GLI3: variants seen among roughly 807,000 people sequenced by gnomAD.
GLI3 encodes GLI family zinc finger 3.
A neutral mutation model predicts 100.8 loss-of-function variants in GLI3; 20 were observed. The ratio of observed to expected loss-of-function variants is 0.20; its 90% CI spans 0.14 to 0.29. The LOEUF (loss-of-function observed/expected upper bound fraction) is 0.29, where lower values mean the gene tolerates loss of function less well. Among genes scored for constraint, GLI3 ranks in the 10% least tolerant of loss-of-function variants. The probability of loss-of-function intolerance (pLI) is 1.00; values close to 1 mark genes in which losing one functional copy is unlikely to be tolerated. For missense variants in GLI3, 2,040 were observed against 2,128.5 expected, an observed-to-expected ratio of 0.96 and a Z score of 0.82; for synonymous variants, 938 against 860.5, an observed-to-expected ratio of 1.09 and a Z score of -1.58.
At chr7:42,248,033 C>A (rs1338927356) in intron 1 of GLI3, among the ~76,000 whole-genome samples, 2 of 152,124 alleles carry the variant, frequency 1.3e-5, no homozygotes, top group South Asian at 4.1e-4. Flanking sequence ...GTATTTGGAT[C>A]GGTATGTCAA....
chr7:42,193,437 C>T (rs1358923764), intron 2 of GLI3, among the ~76,000 whole-genome samples: 4 of 151,982 alleles, frequency 2.6e-5, no homozygotes, highest in Admixed American at 2.6e-4. Context: ...GAAGGACACA[C>T]CTTTGATCTA....
chr7:42,074,482 G>T (rs1350249282), intron 4 of GLI3, among the ~76,000 whole-genome samples: 1 of 152,208 alleles, frequency 6.6e-6, no homozygotes, highest in Non-Finnish European at 1.5e-5. Flanking sequence ...AAGAGGAAAA[G>T]CATCACAACA....
At chr7:42,168,157 G>C (rs1386180126) in intron 2 of GLI3, among the ~76,000 whole-genome samples, 1 of 152,184 alleles carries the variant, frequency 6.6e-6, no homozygotes, top group South Asian at 2.1e-4. Context: ...CTGGTCTTAA[G>C]CCAACAGTCA....
chr7:42,044,531 T>A (rs1426604273), intron 6 of GLI3, among the ~76,000 whole-genome samples: 1 of 152,200 alleles, frequency 6.6e-6, no homozygotes. Context: ...CATCAAGTAA[T>A]CTCACCTTAT....
chr7:42,005,018 T>C (rs183906204), intron 10 of GLI3, among the ~76,000 whole-genome samples: 37 of 152,216 alleles, frequency 2.4e-4, no homozygotes, highest in Non-Finnish European at 4.7e-4. Context: ...AGAAAAACCG[T>C]AAATTACACA....
chr7:42,259,594 A>G (rs1420856056), intron 1 of GLI3, among the ~76,000 whole-genome samples: 1 of 152,210 alleles, frequency 6.6e-6, no homozygotes, highest in Non-Finnish European at 1.5e-5. Context: ...ATTGCTGAAC[A>G]TGATATTAGC....
At chr7:42,175,967 T>C (rs1053475621) in intron 2 of GLI3, among the ~76,000 whole-genome samples, 39 of 152,210 alleles carry the variant, frequency 2.6e-4, no homozygotes, top group African/African-American at 8.7e-4. Context: ...CTGGGTCTGT[T>C]GGATCCCACA....
chr7:42,214,560 C>T (rs1788336183), intron 2 of GLI3, among the ~76,000 whole-genome samples: 1 of 147,304 alleles, frequency 6.8e-6, no homozygotes, highest in African/African-American at 2.5e-5. Flanking sequence ...GCCTAAATTG[C>T]ACTAGGAATA....
chr7:42,252,465 C>T (rs2128710557), intron 1 of GLI3, among the ~76,000 whole-genome samples: 1 of 152,244 alleles, frequency 6.6e-6, no homozygotes, highest in South Asian at 2.1e-4. Flanking sequence ...CAAACCTGCA[C>T]ATGTACCCCT....
chr7:42,105,496 G>A (rs1480098327), intron 3 of GLI3, among the ~76,000 whole-genome samples: 1 of 152,156 alleles, frequency 6.6e-6, no homozygotes, highest in Non-Finnish European at 1.5e-5. Context: ...GCGAAAGGAA[G>A]TAAGAGGAAA....
At chr7:42,129,579 G>A (rs996888384) in intron 3 of GLI3, among the ~76,000 whole-genome samples, 3 of 152,170 alleles carry the variant, frequency 2.0e-5, no homozygotes, top group African/African-American at 4.8e-5. Flanking sequence ...GGGAGGCCGA[G>A]GCGGGGGGAT....
chr7:42,256,769 T>C (rs868388773), intron 1 of GLI3, among the ~76,000 whole-genome samples: 1 of 152,192 alleles, frequency 6.6e-6, no homozygotes, highest in South Asian at 2.1e-4. Flanking sequence ...CCTAGATCTT[T>C]TGTTTTTCAT....
At chr7:42,053,548 T>C (rs1228229046) in intron 4 of GLI3, among the ~76,000 whole-genome samples, 1 of 152,186 alleles carries the variant, frequency 6.6e-6, no homozygotes, top group Non-Finnish European at 1.5e-5. Flanking sequence ...TCGAGCTTGT[T>C]AAAAATCTTC....
intron 3 of GLI3, among the ~76,000 whole-genome samples, chr7:42,082,509 C>T (rs1350955835): frequency 6.6e-6 from 1 of 152,226 alleles, no homozygotes; most frequent in Admixed American, 6.5e-5. Context: ...CCATGATCTA[C>T]CGTGAGCGGA....
chr7:42,156,629 T>C (rs763463773), intron 2 of GLI3, among the ~76,000 whole-genome samples: 2 of 152,204 alleles, frequency 1.3e-5, no homozygotes, highest in Non-Finnish European at 2.9e-5. Flanking sequence ...GGCCAGAGTG[T>C]CCAGGTTGCT....
chr7:41,994,047 G>A (rs777249964), intron 10 of GLI3, among the ~76,000 whole-genome samples: 12 of 152,130 alleles, frequency 7.9e-5, no homozygotes, highest in South Asian at 2.1e-4. Context: ...GTGGGGTAAG[G>A]GTTCTGGCAT....
At chr7:41,975,178 A>C (rs1055311903) in intron 12 of GLI3, among the ~76,000 whole-genome samples, 1 of 152,252 alleles carries the variant, frequency 6.6e-6, no homozygotes, top group Middle Eastern at 3.2e-3. Flanking sequence ...GCCCTAAATG[A>C]GCAGGACAGC....
intron 2 of GLI3, among the ~76,000 whole-genome samples, chr7:42,222,295 C>T (rs544573590): frequency 2.0e-5 from 3 of 152,156 alleles, no homozygotes. Context: ...TGTCCAGGAA[C>T]GAGGAAAACG....
intron 2 of GLI3, among the ~76,000 whole-genome samples, chr7:42,190,644 T>C (rs1463876718): frequency 1.3e-5 from 2 of 152,190 alleles, no homozygotes; most frequent in Non-Finnish European, 2.9e-5. Context: ...AAAACTTTTC[T>C]AGATTAAGAC....
Sources: allele counts gnomAD v4.1 joint callset (sites outside exome capture counted in the v4.1 genomes callset), GRCh38; gene constraint gnomAD v4.1.1; transcripts MANE v1.5; gene names NCBI Gene and HGNC (gene_info 2026-07-23, HGNC 2026-07-21).